Variants in ADCY7 observed in about 807,000 individuals in gnomAD.
ADCY7 encodes adenylate cyclase type 7.
ADCY7 carries 72 observed loss-of-function variants against 120.6 expected under a neutral mutation model. That is an observed-to-expected ratio of 0.60 (90% CI 0.49 to 0.73). ADCY7 has a LOEUF of 0.73. ADCY7 is among the 30% of genes least tolerant of loss of function. The pLI is 0.00. For missense variants in ADCY7, 1,227 were observed against 1,486.0 expected (o/e 0.83, Z 2.87); for synonymous variants, 661 against 628.0 (o/e 1.05, Z -0.78).
At chr16:50,287,696 A>C (rs891201350) in intron 1 of ADCY7, among the ~76,000 whole-genome samples, 2 of 151,258 alleles carry the variant, frequency 1.3e-5, no homozygotes, top group Non-Finnish European at 2.9e-5. Flanking sequence ...AAAAAAAAAA[A>C]GCAGCCACAT....
upstream of ADCY7, among the ~76,000 whole-genome samples, chr16:50,264,046 T>C (rs2033126879): frequency 6.6e-6 from 1 of 152,176 alleles, no homozygotes; most frequent in Non-Finnish European, 1.5e-5. Context: ...TGAGTGTACT[T>C]AGGCACTCGC....
intron 1 of ADCY7, among the ~76,000 whole-genome samples, chr16:50,276,565 T>C (rs1244524365): frequency 6.6e-6 from 1 of 152,226 alleles, no homozygotes; most frequent in African/African-American, 2.4e-5. Context: ...GAGAGTCTGT[T>C]GGGTCATGTA....
chr16:50,304,183 TC>T (rs1234132955), intron 10 of ADCY7, among the ~76,000 whole-genome samples, 176 bp from the exon 11 acceptor site: 2 of 152,240 alleles, frequency 1.3e-5, no homozygotes, highest in African/African-American at 2.4e-5. Flanking sequence ...GGCTGGCTAG[TC>T]CCCAAGGGCA....
chr16:50,307,915 G>C (rs910082878), intron 15 of ADCY7, among the ~76,000 whole-genome samples: 7 of 145,292 alleles, frequency 4.8e-5, no homozygotes, highest in African/African-American at 1.3e-4. Context: ...AGAATGGTGT[G>C]AACCTGGGAG....
rs781143896 is a variant in ADCY7, at chr16:50,293,452, G to A, written c.786G>A (p.Met262Ile). 3 of 1,614,048 alleles carry A rather than the reference G, an allele frequency of 1.9e-6. No individual in the cohort carries two copies. Among genetic ancestry groups the A allele is most frequent in the East Asian group, 4.5e-5 (2 of 44,886 alleles). ...AGGAGCATGGTGACCGTCGCTGCAT[G>A]CCTGACAACAACTTCCACAGCCTCT... Reference protein sequence around the residue: ...RLKEHGDRRCMPDNNFHSLYV... With the variant: ...RLKEHGDRRCIPDNNFHSLYV... The change falls in exon 6 of 26, where the codon ATG (methionine) becomes ATA (isoleucine). Residue 262 changes from methionine to isoleucine, a missense_variant. By Grantham distance (10) the Met-to-Ile change is conservative. Transcript: ENST00000673801.
At chr16:50,313,788 C>T in intron 22 of ADCY7, 170 bp from the exon 23 acceptor site, 1 of 604,056 alleles carries the variant, frequency 1.7e-6, no homozygotes, top group Non-Finnish European at 3.0e-6. Context: ...CGCCAAGGGC[C>T]ATGTCCTCAC....
intron 1 of ADCY7, among the ~76,000 whole-genome samples, chr16:50,267,874 G>A (rs2033318852): frequency 1.3e-5 from 2 of 152,212 alleles, no homozygotes; most frequent in Non-Finnish European, 2.9e-5. Flanking sequence ...TGAGGGGGCT[G>A]CAGCTCAGGA....
intron 22 of ADCY7, chr16:50,313,426 C>G: frequency 6.0e-6 from 1 of 167,596 alleles, no homozygotes; most frequent in Non-Finnish European, 1.3e-5. Context: ...CAAACAACAA[C>G]AACAACAACA....
rs746336045 is a variant in ADCY7, at chr16:50,304,557, T to G, written c.1560+6T>G. ...CCAACGGGCGGAGGCCTAAGGTAGG[T>G]CCCCCTCCCACCCAGAAAGCCAGGG... On this transcript the variant is annotated splice_donor_region_variant and intron_variant, in intron 11 of 25. Transcript: ENST00000673801. 29 of 1,525,880 alleles carry G rather than the reference T, an allele frequency of 1.9e-5. No homozygotes were observed. The highest frequency in any genetic ancestry group is 5.1e-5 in the South Asian group (4 of 78,204). The allele number at this position is 1,525,880 out of a possible 1,614,324, so 94.5% of individuals were successfully genotyped here.
intron 1 of ADCY7, among the ~76,000 whole-genome samples, chr16:50,253,096 G>A (rs1444480775): frequency 1.3e-5 from 2 of 152,144 alleles, no homozygotes; most frequent in Admixed American, 6.6e-5. Flanking sequence ...CACAGGAGGT[G>A]CCCTGCACGA....
intron 1 of ADCY7, among the ~76,000 whole-genome samples, chr16:50,267,120 AC>A (rs2033264104): frequency 6.6e-6 from 1 of 152,234 alleles, no homozygotes; most frequent in Non-Finnish European, 1.5e-5. Flanking sequence ...AAAACAAAAA[AC>A]AAACAAAACC....
At chr16:50,300,677 T>C (rs1230991577) in intron 8 of ADCY7, 38 bp from the exon 9 acceptor site, 1 of 1,548,870 alleles carries the variant, frequency 6.5e-7, no homozygotes, top group Non-Finnish European at 8.7e-7. Flanking sequence ...GTCCCAGGGC[T>C]TAGGCAGGGC....
chr16:50,315,051 G>T lies in ADCY7; in HGVS notation c.3009G>T (p.Gly1003=). The change falls in exon 25 of 26, where the codon GGG becomes GGT. Residue 1003 remains glycine (G), a synonymous_variant. Coordinates refer to ENST00000673801, the MANE Select transcript of ADCY7 (RefSeq NM_001114.5). ...NHGPVIAGVI[G]ARKPQYDIWG... The stretch of plus-strand genomic sequence containing the variant: ...GGCCTGTGATTGCTGGAGTGATTGG[G>T]GCCCGAAAACCTCAGTATGACATCT... 1 of 1,614,204 alleles carries T rather than the reference G, an allele frequency of 6.2e-7. No individual in the cohort carries two copies. Among genetic ancestry groups the T allele is most frequent in the East Asian group, 2.2e-5 (1 of 44,890 alleles).
In ADCY7 at chr16:50,310,534, C is replaced by G. The variant is rs1191092892; in HGVS notation, c.2161-153C>G. The G allele has an allele frequency of 2.6e-6, 4 of 1,544,128 alleles. No homozygotes were observed. In the East Asian group the frequency reaches 9.7e-5, roughly 38 times the overall value. The stretch of plus-strand genomic sequence containing the variant: ...TACAGTGAAAACAACACTGGACACT[C>G]TTAGGTCTCATTGTTTTTTGTTGAG... On this transcript the variant is annotated intron_variant, in intron 18 of 25. Transcript: ENST00000673801.
At chr16:50,259,669 T>C (rs2033007790) in intron 1 of ADCY7, among the ~76,000 whole-genome samples, 1 of 152,086 alleles carries the variant, frequency 6.6e-6, no homozygotes. Flanking sequence ...GCATTGGAAC[T>C]CAGCCAAGCA....
chr16:50,275,830 C>T (rs2033851356), intron 1 of ADCY7, among the ~76,000 whole-genome samples: 1 of 152,152 alleles, frequency 6.6e-6, no homozygotes, highest in Non-Finnish European at 1.5e-5. Context: ...GGGCTTTGGG[C>T]TTGGAGGTTA....
chr16:50,254,564 C>T (rs552747289), intron 1 of ADCY7, among the ~76,000 whole-genome samples: 16 of 152,242 alleles, frequency 1.1e-4, no homozygotes, highest in Admixed American at 2.6e-4. Context: ...ATAAATTCAA[C>T]GGAGAAGGTG....
intron 1 of ADCY7, among the ~76,000 whole-genome samples, chr16:50,252,076 G>A (rs80232115): frequency 0.018 from 2,814 of 152,270 alleles, 91 homozygotes; most frequent in African/African-American, 0.065. Context: ...GAAGGGGTGC[G>A]GGGTGGCTCG....
At chr16:50,266,929 G>T (rs916230322) in intron 1 of ADCY7, among the ~76,000 whole-genome samples, 12 of 152,156 alleles carry the variant, frequency 7.9e-5, no homozygotes, top group Admixed American at 3.9e-4. Context: ...AGAAAGTGCG[G>T]TTGTGACCAC....
Sources: gnomAD v4.1 joint callset for allele counts (sites outside exome capture counted in the v4.1 genomes callset) on GRCh38, gnomAD v4.1.1 for gene constraint, MANE v1.5 for transcripts, NCBI Gene and HGNC (gene_info 2026-07-23, HGNC 2026-07-21) for gene names.